Variants in TG observed in about 807,000 individuals in gnomAD.
TG encodes the protein thyroglobulin.
A neutral mutation model predicts 324.7 loss-of-function variants in TG; 270 were observed. That is an observed-to-expected ratio of 0.83 (90% CI 0.75 to 0.92). The LOEUF is 0.92. TG is among the 40% of genes least tolerant of loss of function. The pLI is 0.00. For missense variants in TG, 3,591 were observed against 3,456.4 expected (o/e 1.04, Z -0.98); for synonymous variants, 1,401 against 1,327.0 (o/e 1.06, Z -1.21).
chr8:132,972,504 C>A, intron 33 of TG, 94 bp from the exon 34 acceptor site: 1 of 1,430,224 alleles, frequency 7.0e-7, no homozygotes, highest in Non-Finnish European at 9.7e-7. Flanking sequence ...GTCTGCTGAA[C>A]AATGTACTTG....
chr8:132,868,292 C>T, intron 2 of TG, 69 bp downstream of exon 2: 2 of 1,410,562 alleles, frequency 1.4e-6, no homozygotes, highest in South Asian at 1.2e-5. Context: ...TGCCTTCCCC[C>T]CTCTTCCTGA....
At chr8:132,958,159 A>G (rs1170018362) in intron 27 of TG, among the ~76,000 whole-genome samples, 2 of 152,158 alleles carry the variant, frequency 1.3e-5, no homozygotes, top group Non-Finnish European at 2.9e-5. Context: ...TCAGCCTTAG[A>G]CTTGAGAGCA....
intron 35 of TG, among the ~76,000 whole-genome samples, chr8:132,999,543 A>G (rs985713008): frequency 2.0e-5 from 3 of 152,214 alleles, no homozygotes; most frequent in Non-Finnish European, 4.4e-5. Flanking sequence ...ATTGAGGTGC[A>G]TAACGACTGG....
intron 10 of TG, among the ~76,000 whole-genome samples, chr8:132,890,078 T>C (rs1816014191): frequency 6.6e-6 from 1 of 152,150 alleles, no homozygotes; most frequent in Admixed American, 6.5e-5. Flanking sequence ...AGTCTTACCT[T>C]AGTCTGAATG....
chr8:132,898,446 G>A (rs954515999), intron 13 of TG, among the ~76,000 whole-genome samples, 200 bp downstream of exon 13: 9 of 152,192 alleles, frequency 5.9e-5, no homozygotes, highest in Admixed American at 3.3e-4. Context: ...AAGGCTCCCA[G>A]CTTTGCAGGT....
rs541213621 is a variant in TG, at chr8:133,023,918, C to T, written c.7036+1768C>T. Among the ~76,000 whole-genome samples, 17 of 152,306 alleles carry T rather than the reference C, an allele frequency of 1.1e-4. No individual in the cohort carries two copies. In the South Asian group the frequency reaches 1.7e-3, roughly 15 times the overall value. On this transcript the variant is annotated intron_variant, in intron 40 of 47. Transcript: ENST00000220616. ...ACGGAAGCTTCCAGAACACCCAACC[C>T]GCTCATTCCTGATGTGCACCAAGCC...
chr8:133,090,662 A>G (rs914342615), intron 41 of TG, among the ~76,000 whole-genome samples: 3 of 152,250 alleles, frequency 2.0e-5, no homozygotes, highest in Non-Finnish European at 4.4e-5. Context: ...TGCAAATTAC[A>G]CATCAGGTAT....
chr8:132,882,803 AT>A lies in TG; in HGVS notation c.890-8del, dbSNP rs755805243. 4 of 1,614,164 alleles carry A rather than the reference AT, an allele frequency of 2.5e-6. No homozygotes were observed. Among genetic ancestry groups the A allele is most frequent in the Non-Finnish European group, 3.4e-6 (4 of 1,180,016 alleles). The stretch of plus-strand genomic sequence containing the variant: ...TGACACTGTCTTCTTTACTGTGTGG[AT>A]TTCCTCTAGGCCCCACAAAATGTGA... On this transcript the variant is annotated splice_polypyrimidine_tract_variant and intron_variant, in intron 7 of 47. Coordinates refer to ENST00000220616, the MANE Select transcript of TG (RefSeq NM_003235.5).
chr8:132,941,615 C>T, intron 26 of TG, 73 bp downstream of exon 26: 1 of 1,563,894 alleles, frequency 6.4e-7, no homozygotes, highest in Non-Finnish European at 8.8e-7. Context: ...CCAGGACACA[C>T]AACATGGAGC....
At chr8:133,040,093 G>A in intron 41 of TG, 3 of 1,568,454 alleles carry the variant, frequency 1.9e-6, no homozygotes, top group Non-Finnish European at 2.6e-6. Flanking sequence ...GTGTCAGGCA[G>A]GGCGTGGTGA....
In TG at chr8:132,901,437, A is replaced by G. The variant is rs200377204; in HGVS notation, c.3518A>G (p.Asp1173Gly). Reference sequence around the variant, plus strand: ...TATGTCCCAGCCTGCAGGGCAGAGGATGGGGGCTTTTCCCCAGTGCAATGT... The same window carrying G: ...TATGTCCCAGCCTGCAGGGCAGAGGGTGGGGGCTTTTCCCCAGTGCAATGT... ...PGYVPACRAEDGGFSPVQCDQ... is the reference protein window; with the variant it reads ...PGYVPACRAEGGGFSPVQCDQ... Residue 1173 changes from aspartate to glycine, a missense_variant, in exon 16 of 48, where the codon GAT becomes GGT. By Grantham distance (94) the Asp-to-Gly change is moderately conservative. Coordinates refer to ENST00000220616, the MANE Select transcript of TG (RefSeq NM_003235.5). 2.3e-5 allele frequency: 37 copies of G among 1,614,216 alleles called. No individual in the cohort carries two copies. The East Asian group carries it at 8.2e-4, about 36-fold the overall frequency.
rs150485524 is a variant in TG at position 132,933,595 on chromosome 8, C to A, written c.4851C>A (p.Thr1617=). The A allele has an allele frequency of 6.2e-6, 10 of 1,613,956 alleles. No individual in the cohort carries two copies. The South Asian group carries it at 7.7e-5, about 12-fold the overall frequency. ...AGGACGAGGCCTGCAGCTTCTTCAC[C>A]GTGTCCACGACGGAGCCAGAGATTT... ...CTEDEACSFF[T]VSTTEPEISC... The change falls in exon 24 of 48, where the codon ACC becomes ACA. Residue 1617 remains threonine, a synonymous_variant. Coordinates refer to ENST00000220616, the MANE Select transcript of TG (RefSeq NM_003235.5).
chr8:133,052,098 A>G (rs1243017483), intron 41 of TG, among the ~76,000 whole-genome samples: 1 of 152,056 alleles, frequency 6.6e-6, no homozygotes, highest in African/African-American at 2.4e-5. Flanking sequence ...GGCCCAAACA[A>G]GCCACTTTCT....
intron 26 of TG, among the ~76,000 whole-genome samples, chr8:132,946,947 G>A (rs540730958): frequency 1.4e-4 from 22 of 152,250 alleles, no homozygotes; most frequent in African/African-American, 5.1e-4. Context: ...AACGCACTCT[G>A]CCTCTTGTTA....
intron 38 of TG, among the ~76,000 whole-genome samples, 153 bp downstream of exon 38, chr8:133,018,150 G>A (rs533359465): frequency 6.6e-6 from 1 of 152,364 alleles, no homozygotes; most frequent in South Asian, 2.1e-4. Context: ...ATTAAGTGCT[G>A]TGACAGATAA....
At chr8:132,968,021 C>T (rs746792134) in intron 31 of TG, 51 bp downstream of exon 31, 3 of 1,597,052 alleles carry the variant, frequency 1.9e-6, no homozygotes, top group Non-Finnish European at 2.6e-6. Flanking sequence ...GTTCTGCTGG[C>T]TCTGTGGTTT....
rs60794915 is a variant in TG at position 132,948,247 on chromosome 8, T to TTGTGTGTG, written c.5234-522_5234-515dup. 2.7e-3 allele frequency among the ~76,000 whole-genome samples: 414 copies of TTGTGTGTG among 150,954 alleles called. 3 individuals are homozygous for TTGTGTGTG. The highest frequency in any genetic ancestry group is 0.026 in the East Asian group (134 of 5,114). The stretch of plus-strand genomic sequence containing the variant: ...TTTATGAGACCCTTCAAGGTTGATC[T>TTGTGTGTG]TGTGTGTGTGTGTGCATGTGAGAGA... On this transcript the variant is annotated intron_variant, in intron 26 of 47. Coordinates refer to ENST00000220616, the MANE Select transcript of TG (RefSeq NM_003235.5).
chr8:132,898,339 T>G (rs1817423763), intron 13 of TG, 93 bp downstream of exon 13: 1 of 1,240,146 alleles, frequency 8.1e-7, no homozygotes. Flanking sequence ...GGAGACTCCA[T>G]GGCCCAGCCC....
chr8:132,881,579 C>T (rs1259797181), intron 5 of TG, among the ~76,000 whole-genome samples: 1 of 152,154 alleles, frequency 6.6e-6, no homozygotes, highest in Non-Finnish European at 1.5e-5. Flanking sequence ...GAGACAAACG[C>T]ATGGGCATAA....
Sources: allele counts gnomAD v4.1 joint callset (sites outside exome capture counted in the v4.1 genomes callset), GRCh38; gene constraint gnomAD v4.1.1; transcripts MANE v1.5; gene names NCBI Gene and HGNC (gene_info 2026-07-23, HGNC 2026-07-21).